Variants in SFMBT1 observed in about 807,000 individuals in gnomAD.
SFMBT1 encodes Scm like with four mbt domains 1.
SFMBT1 carries 32 observed loss-of-function variants against 108.7 expected under a neutral mutation model. That is an observed-to-expected ratio of 0.29 (90% CI 0.22 to 0.40). The LOEUF is 0.40. Ranked by LOEUF, SFMBT1 falls within the 10% of genes least tolerant of loss-of-function variation. The probability of loss-of-function intolerance (pLI) is 1.00; values close to 1 mark genes in which losing one functional copy is unlikely to be tolerated. For synonymous variants in SFMBT1, 348 were observed against 369.5 expected (o/e 0.94, Z 0.67); for missense variants, 816 against 1,059.6 (o/e 0.77, Z 3.19).
chr3:52,948,825 ATTTTTTT>A lies in SFMBT1; in HGVS notation c.124-5239_124-5233del, dbSNP rs71615878. Among the ~76,000 whole-genome samples the A allele has an allele frequency of 3.1e-4, 24 of 78,304 alleles. No individual in the cohort carries two copies. The South Asian group carries it at 5.2e-3, about 17-fold the overall frequency. 51.4% of individuals were successfully genotyped at this position (78,304 alleles called of 152,430 possible). On this transcript the variant is annotated intron_variant, in intron 3 of 20. Transcript: ENST00000394752. ...CTCCACCATGCCTGGCTAATTTTTA[ATTTTTTT>A]TTTTTTTTTTTTTTGTAGAAAAGGT...
chr3:52,972,744 A>AACACACACACACACAC (rs55859723), intron 1 of SFMBT1, among the ~76,000 whole-genome samples: 11 of 95,092 alleles, frequency 1.2e-4, no homozygotes, highest in Non-Finnish European at 1.8e-4. Context: ...ATCTCTACTA[A>AACACACACACACACAC]ACACACACAC....
intron 17 of SFMBT1, among the ~76,000 whole-genome samples, chr3:52,909,682 G>C (rs1196570307): frequency 2.0e-5 from 3 of 152,116 alleles, no homozygotes; most frequent in African/African-American, 4.8e-5. Flanking sequence ...ATTTTAACAA[G>C]GTAAAAATCC....
intron 2 of SFMBT1, among the ~76,000 whole-genome samples, chr3:52,955,438 T>A (rs1575400114): frequency 6.7e-6 from 1 of 149,916 alleles, no homozygotes; most frequent in East Asian, 2.0e-4. Context: ...AATAAATAAA[T>A]AATAAAATAG....
At chr3:52,964,748 G>A (rs1196054932) in intron 2 of SFMBT1, among the ~76,000 whole-genome samples, 1 of 152,116 alleles carries the variant, frequency 6.6e-6, no homozygotes, top group Admixed American at 6.5e-5. Context: ...AGAAAGCAAG[G>A]ACTAACTGTA....
chr3:52,986,888 C>T lies in SFMBT1; in HGVS notation c.-130-17630G>A, dbSNP rs369139932. 4.5e-4 allele frequency among the ~76,000 whole-genome samples: 68 copies of T among 152,026 alleles called. No homozygotes were observed. The East Asian group carries it at 0.012, about 28-fold the overall frequency. On this transcript the variant is annotated intron_variant, in intron 1 of 20. Coordinates refer to ENST00000394752, the MANE Select transcript of SFMBT1 (RefSeq NM_016329.4). ...CCGGGAGGTGGAGGTTGCAGTGAGC[C>T]GAGATCGTGCCACTGCTCTCCAGTC...
intron 17 of SFMBT1, among the ~76,000 whole-genome samples, chr3:52,910,645 C>T (rs988284804): frequency 5.3e-5 from 8 of 152,276 alleles, no homozygotes; most frequent in South Asian, 2.1e-4. Context: ...GGTGCCACCA[C>T]ACCCAGCTAG....
intron 2 of SFMBT1, among the ~76,000 whole-genome samples, chr3:52,960,645 A>G (rs1052945362): frequency 1.3e-5 from 2 of 151,186 alleles, no homozygotes; most frequent in Non-Finnish European, 2.9e-5. Flanking sequence ...CTCTCTATCT[A>G]TCTATGCATG....
rs147834906 is a variant in SFMBT1, at chr3:52,992,440, G to A, written c.-130-23182C>T. Among the ~76,000 whole-genome samples, 339 of 152,076 alleles carry A rather than the reference G, an allele frequency of 2.2e-3. 1 individual carries two copies. Among genetic ancestry groups the A allele is most frequent in the African/African-American group, 7.2e-3 (297 of 41,476 alleles). ...CCATAAATACATACACCTCTATGTAGCCACAAAAATTAAAATAAAAAAAAT... is the reference window on the plus strand; with the variant it reads ...CCATAAATACATACACCTCTATGTAACCACAAAAATTAAAATAAAAAAAAT... On this transcript the variant is annotated intron_variant, in intron 1 of 20. Coordinates refer to ENST00000394752, the MANE Select transcript of SFMBT1 (RefSeq NM_016329.4).
intron 2 of SFMBT1, among the ~76,000 whole-genome samples, chr3:52,960,387 A>T (rs1307762778): frequency 1.5e-4 from 23 of 152,234 alleles, no homozygotes; most frequent in Non-Finnish European, 3.4e-4. Context: ...AAAATGCATG[A>T]AAAGATGTTC....
At chr3:53,032,479 T>C (rs1309617198) in intron 1 of SFMBT1, among the ~76,000 whole-genome samples, 1 of 152,190 alleles carries the variant, frequency 6.6e-6, no homozygotes, top group Non-Finnish European at 1.5e-5. Context: ...AAACAAAGTA[T>C]TGTAGGCCAC....
At chr3:53,045,366 A>C (rs1700193697) in intron 1 of SFMBT1, 1 of 134,446 alleles carries the variant, frequency 7.4e-6, no homozygotes, top group Non-Finnish European at 1.6e-5. Context: ...CGGCGGGCGG[A>C]GCGCGGGGCG....
intron 1 of SFMBT1, among the ~76,000 whole-genome samples, chr3:52,997,831 A>ATTTT (rs1698392050): frequency 6.6e-6 from 1 of 150,578 alleles, no homozygotes; most frequent in African/African-American, 2.4e-5. Flanking sequence ...ACAATTACTA[A>ATTTT]AATTCATCAA....
intron 1 of SFMBT1, among the ~76,000 whole-genome samples, chr3:53,022,762 C>G (rs1043451335): frequency 1.3e-5 from 2 of 151,900 alleles, no homozygotes; most frequent in South Asian, 4.2e-4. Flanking sequence ...CGGGGTGGAG[C>G]GGGAAATGGG....
intron 10 of SFMBT1, 117 bp downstream of exon 10, chr3:52,925,914 G>T: frequency 1.2e-6 from 1 of 861,406 alleles, no homozygotes; most frequent in Non-Finnish European, 1.8e-6. Flanking sequence ...AATCACCACT[G>T]TGCTCATCTG....
In SFMBT1 at chr3:52,978,101, C is replaced by T. The variant is rs553070745; in HGVS notation, c.-130-8843G>A. 1.3e-3 allele frequency among the ~76,000 whole-genome samples: 191 copies of T among 152,174 alleles called. 2 individuals are homozygous for T. Among genetic ancestry groups the T allele is most frequent in the African/African-American group, 4.5e-3 (186 of 41,518 alleles). On this transcript the variant is annotated intron_variant, in intron 1 of 20. Coordinates refer to ENST00000394752, the MANE Select transcript of SFMBT1 (RefSeq NM_016329.4). Reference sequence around the variant, plus strand: ...TTAGTGTAAGGAAGAAAGTATAATACTTTTTCTAAATGTCATAAGTGATAG... The same window carrying T: ...TTAGTGTAAGGAAGAAAGTATAATATTTTTTCTAAATGTCATAAGTGATAG...
At chr3:52,946,589 G>T (rs1015846193) in intron 3 of SFMBT1, among the ~76,000 whole-genome samples, 2 of 152,108 alleles carry the variant, frequency 1.3e-5, no homozygotes, top group African/African-American at 4.8e-5. Flanking sequence ...ACTTCTACTA[G>T]TTACTAGCTA....
intron 4 of SFMBT1, among the ~76,000 whole-genome samples, chr3:52,935,841 C>T (rs1359383484): frequency 6.6e-6 from 1 of 152,180 alleles, no homozygotes; most frequent in Non-Finnish European, 1.5e-5. Context: ...TTCCTCCCCT[C>T]CCGTGTCCCT....
intron 1 of SFMBT1, among the ~76,000 whole-genome samples, chr3:52,981,108 G>C (rs1414540766): frequency 6.6e-6 from 1 of 150,588 alleles, no homozygotes; most frequent in Non-Finnish European, 1.5e-5. Context: ...ATTGCAGTGA[G>C]CCAAGATCAT....
chr3:52,971,220 C>G (rs529548270), intron 1 of SFMBT1, among the ~76,000 whole-genome samples: 1 of 151,776 alleles, frequency 6.6e-6, no homozygotes. Context: ...CAATCTGATA[C>G]GCTACCGTAT....
Sources: gnomAD v4.1 joint callset for allele counts (sites outside exome capture counted in the v4.1 genomes callset) on GRCh38, gnomAD v4.1.1 for gene constraint, MANE v1.5 for transcripts, NCBI Gene and HGNC (gene_info 2026-07-23, HGNC 2026-07-21) for gene names.